The following THRB variants were observed in gnomAD, a reference collection of about 807,000 sequenced individuals.
THRB encodes the protein nuclear receptor subfamily 1 group A member 2.
A neutral mutation model predicts 47.8 loss-of-function variants in THRB; 12 were observed. The ratio of observed to expected loss-of-function variants is 0.25; its 90% CI spans 0.16 to 0.41. The LOEUF (loss-of-function observed/expected upper bound fraction) is 0.41. Among genes scored for constraint, THRB ranks in the 10% least tolerant of loss-of-function variants. The pLI, the probability that THRB is intolerant of heterozygous loss-of-function variation, is 1.00. For synonymous variants in THRB, 218 were observed against 212.2 expected (o/e 1.03, Z -0.24); for missense variants, 348 against 589.2 (o/e 0.59, Z 4.24).
chr3:24,259,856 A>ATG (rs984267074), intron 3 of THRB, among the ~76,000 whole-genome samples: 3 of 151,888 alleles, frequency 2.0e-5, no homozygotes, highest in South Asian at 2.1e-4. Flanking sequence ...GATTAATTAA[A>ATG]TGTGTGTGTG....
At chr3:24,315,501 G>A (rs376943666) in intron 2 of THRB, among the ~76,000 whole-genome samples, 1 of 152,270 alleles carries the variant, frequency 6.6e-6, no homozygotes, top group Middle Eastern at 3.4e-3. Context: ...GCCACATAAC[G>A]CACCCAGGCA....
intron 1 of THRB, among the ~76,000 whole-genome samples, chr3:24,364,106 G>A (rs562562594): frequency 1.2e-4 from 19 of 152,198 alleles, no homozygotes; most frequent in South Asian, 4.1e-4. Context: ...TAAAGGCCTT[G>A]CCACTCTTAA....
intron 10 of THRB, among the ~76,000 whole-genome samples, chr3:24,125,837 T>G (rs1305130556): frequency 2.6e-5 from 4 of 152,034 alleles, no homozygotes; most frequent in Admixed American, 2.6e-4. Flanking sequence ...TTTGCCATAT[T>G]CTCTTGGCTA....
At position 24,432,443 on chromosome 3, in the gene THRB, T is replaced by C. The variant is rs866017856; in HGVS notation, c.-261+62209A>G. On this transcript the variant is annotated intron_variant, in intron 1 of 10. Transcript: ENST00000646209. ...GCAAGGTTACAGAGGTACATACACC[T>C]TCTAGTTAAGAGAGGGGAACCTCTC... is the stretch of plus-strand genomic sequence containing the variant. Among the ~76,000 whole-genome samples the C allele has an allele frequency of 7.2e-5, 11 of 152,280 alleles. No individual in the cohort carries two copies. In the South Asian group the frequency reaches 1.9e-3, roughly 26 times the overall value.
chr3:24,343,376 T>C (rs975879176), intron 1 of THRB, among the ~76,000 whole-genome samples: 3 of 151,884 alleles, frequency 2.0e-5, no homozygotes, highest in Non-Finnish European at 4.4e-5. Context: ...AACATAACAG[T>C]GGCAATGGAA....
At chr3:24,134,754 A>G (rs539949832) in intron 8 of THRB, among the ~76,000 whole-genome samples, 1 of 152,156 alleles carries the variant, frequency 6.6e-6, no homozygotes, top group Non-Finnish European at 1.5e-5. Context: ...TCACAGACTC[A>G]AGCCCTACCC....
At chr3:24,217,311 T>C (rs992052629) in intron 4 of THRB, among the ~76,000 whole-genome samples, 3 of 152,104 alleles carry the variant, frequency 2.0e-5, no homozygotes, top group Non-Finnish European at 4.4e-5. Flanking sequence ...GACACTTCCA[T>C]GAAAAATGCC....
intron 5 of THRB, chr3:24,165,523 C>A (rs1057048058): frequency 5.2e-6 from 3 of 575,274 alleles, no homozygotes; most frequent in African/African-American, 3.7e-5. Flanking sequence ...AGCAACCCAG[C>A]CTGCTTTACT....
chr3:24,277,756 CT>C (rs1342192679), intron 3 of THRB, among the ~76,000 whole-genome samples: 2 of 152,126 alleles, frequency 1.3e-5, no homozygotes, highest in Non-Finnish European at 2.9e-5. Flanking sequence ...CAGCTGCTGC[CT>C]TCTGGATGCC....
intron 3 of THRB, among the ~76,000 whole-genome samples, chr3:24,275,960 T>G (rs1365357768): frequency 2.0e-5 from 3 of 152,144 alleles, no homozygotes; most frequent in Non-Finnish European, 4.4e-5. Context: ...CACCACAGGC[T>G]TTACTCATTT....
chr3:24,238,519 G>A (rs1410498995), intron 3 of THRB, among the ~76,000 whole-genome samples: 1 of 152,110 alleles, frequency 6.6e-6, no homozygotes, highest in East Asian at 1.9e-4. Flanking sequence ...AAAAGAGTTT[G>A]ATAATGAGTA....
At chr3:24,283,755 T>C (rs1314085349) in intron 3 of THRB, among the ~76,000 whole-genome samples, 11 of 151,938 alleles carry the variant, frequency 7.2e-5, no homozygotes, top group Non-Finnish European at 1.3e-4. Context: ...ACAAAATCAA[T>C]GTACAAAAAT....
chr3:24,248,408 G>A (rs1202552450), intron 3 of THRB, among the ~76,000 whole-genome samples: 5 of 151,734 alleles, frequency 3.3e-5, no homozygotes, highest in Admixed American at 2.0e-4. Flanking sequence ...TTAAAGGAAA[G>A]GTTTGGAATA....
chr3:24,274,012 CT>C (rs1249770990), intron 3 of THRB, among the ~76,000 whole-genome samples: 1 of 151,992 alleles, frequency 6.6e-6, no homozygotes, highest in Non-Finnish European at 1.5e-5. Context: ...TTTCAGATAA[CT>C]TTATTTAGCA....
chr3:24,368,095 G>A (rs1487578207), intron 1 of THRB, among the ~76,000 whole-genome samples: 3 of 151,998 alleles, frequency 2.0e-5, no homozygotes, highest in Non-Finnish European at 4.4e-5. Context: ...ATTATTTTAT[G>A]ATTTATAAAC....
intron 3 of THRB, among the ~76,000 whole-genome samples, chr3:24,249,609 A>T (rs2050458702): frequency 6.6e-6 from 1 of 152,222 alleles, no homozygotes; most frequent in South Asian, 2.1e-4. Flanking sequence ...TATATCTGTT[A>T]TACCTTCTCA....
intron 4 of THRB, among the ~76,000 whole-genome samples, chr3:24,208,870 G>A (rs535166947): frequency 6.6e-6 from 1 of 152,278 alleles, no homozygotes; most frequent in East Asian, 1.9e-4. Context: ...AAGAGCTTCT[G>A]CACAGCAAAG....
intron 1 of THRB, among the ~76,000 whole-genome samples, chr3:24,403,163 T>C (rs558836222): frequency 3.5e-4 from 53 of 152,076 alleles, no homozygotes; most frequent in African/African-American, 1.3e-3. Context: ...GGTAAAAGCA[T>C]ACATACAGAA....
At chr3:24,137,782 A>C (rs2034873948) in intron 8 of THRB, among the ~76,000 whole-genome samples, 1 of 152,178 alleles carries the variant, frequency 6.6e-6, no homozygotes, top group Non-Finnish European at 1.5e-5. Context: ...TGGTTACTGC[A>C]TGGAGAAGAT....
Sources: gnomAD v4.1 joint callset for allele counts (sites outside exome capture counted in the v4.1 genomes callset) on GRCh38, gnomAD v4.1.1 for gene constraint, MANE v1.5 for transcripts, NCBI Gene and HGNC (gene_info 2026-07-23, HGNC 2026-07-21) for gene names.